The following DHX15 variants were observed in gnomAD, a reference collection of about 807,000 sequenced individuals.
DHX15 encodes the protein ATP-dependent RNA helicase DHX15.
In DHX15, 11 loss-of-function variants were observed where a neutral mutation model predicts 94.4. That is an observed-to-expected ratio of 0.12 (90% CI 0.07 to 0.19). DHX15 has a LOEUF of 0.19. Ranked by LOEUF, DHX15 falls within the 10% of genes least tolerant of loss-of-function variation. DHX15 has a pLI of 1.00. For missense variants in DHX15, 304 were observed against 988.5 expected (o/e 0.31, Z 9.29); for synonymous variants, 338 against 329.9 (o/e 1.02, Z -0.27).
intron 3 of DHX15, among the ~76,000 whole-genome samples, chr4:24,561,030 T>C (rs926154185): frequency 1.3e-5 from 2 of 152,190 alleles, no homozygotes; most frequent in Non-Finnish European, 2.9e-5. Flanking sequence ...TGCCAAAAGC[T>C]GATAAAATTC....
rs139539347 is a variant in DHX15 at position 24,548,930 on chromosome 4, T to C, written c.1173A>G (p.Thr391=). The C allele has an allele frequency of 9.9e-6, 16 of 1,613,692 alleles. No homozygotes were observed. In the African/African-American group the frequency reaches 1.9e-4, roughly 19 times the overall value. ...TGCGTTGCTGCTGCTGAGGTGGAAG[T>C]GTAGAATACAATGGAATGATTTTAA... is the stretch of plus-strand genomic sequence containing the variant. ...GDIKIIPLYS[T]LPPQQQQRIF... The change falls in exon 6 of 14, where the codon ACA becomes ACG. Residue 391 remains threonine, a synonymous_variant. Transcript: ENST00000336812.
intron 3 of DHX15, among the ~76,000 whole-genome samples, chr4:24,565,480 A>G (rs1342289424): frequency 6.6e-6 from 1 of 152,248 alleles, no homozygotes; most frequent in Non-Finnish European, 1.5e-5. Flanking sequence ...AGACTGCCAC[A>G]TAACAGATGT....
intron 11 of DHX15, among the ~76,000 whole-genome samples, chr4:24,535,779 T>A (rs909372594): frequency 6.6e-6 from 1 of 152,114 alleles, no homozygotes; most frequent in Non-Finnish European, 1.5e-5. Flanking sequence ...GACAAATAAA[T>A]TCACCATCAC....
intron 5 of DHX15, among the ~76,000 whole-genome samples, chr4:24,553,500 G>A (rs1721657047): frequency 6.6e-6 from 1 of 152,080 alleles, no homozygotes; most frequent in Non-Finnish European, 1.5e-5. Flanking sequence ...GGGGCCAGGT[G>A]TGGTGGCTCG....
Position 24,584,506 on chromosome 4 carries a change from C to T in DHX15, c.-113G>A, listed in dbSNP as rs1722564289. 1 of 1,057,386 alleles carries T rather than the reference C, an allele frequency of 9.5e-7. No individual in the cohort carries two copies. The highest frequency in any genetic ancestry group is 1.3e-6 in the Non-Finnish European group (1 of 742,318). 65.5% of individuals were successfully genotyped at this position (1,057,386 alleles called of 1,614,324 possible). A position where few individuals can be genotyped will look rare whatever the true frequency, so the allele number is the denominator to read the frequency against. On this transcript the variant is annotated 5_prime_UTR_variant, in exon 1 of 14. Coordinates refer to ENST00000336812, the MANE Select transcript of DHX15 (RefSeq NM_001358.3). ...ACCCCCACCCCTCCCGCTACTACAGCCCACACGGTGCGGCCGGAACCAACA... is the reference window on the plus strand; with the variant it reads ...ACCCCCACCCCTCCCGCTACTACAGTCCACACGGTGCGGCCGGAACCAACA...
At chr4:24,572,275 C>G (rs902321201) in intron 2 of DHX15, among the ~76,000 whole-genome samples, 1 of 152,174 alleles carries the variant, frequency 6.6e-6, no homozygotes. Context: ...GCTGGGACTA[C>G]AGGCACGTGC....
chr4:24,541,656 T>C (rs764837438), intron 8 of DHX15, among the ~76,000 whole-genome samples: 14 of 152,090 alleles, frequency 9.2e-5, no homozygotes, highest in African/African-American at 2.9e-4. Flanking sequence ...ATTCCAGTTT[T>C]TAGGCGTGGG....
intron 11 of DHX15, chr4:24,533,258 G>A (rs780438371): frequency 2.4e-5 from 14 of 579,520 alleles, no homozygotes; most frequent in Non-Finnish European, 4.0e-5. Flanking sequence ...ACAGTAACAA[G>A]GCTTTTGGAT....
intron 1 of DHX15, 50 bp downstream of exon 1, chr4:24,584,273 G>A (rs568543309): frequency 4.5e-6 from 7 of 1,569,586 alleles, no homozygotes; most frequent in African/African-American, 2.7e-5. Flanking sequence ...CTCCCTGCCA[G>A]GACCCCAACA....
chr4:24,583,696 T>C (rs1722527333), intron 1 of DHX15, among the ~76,000 whole-genome samples: 1 of 152,014 alleles, frequency 6.6e-6, no homozygotes, highest in Non-Finnish European at 1.5e-5. Flanking sequence ...TCAGGTATAT[T>C]ACTCCACGTT....
rs575220458 is a variant in DHX15 at position 24,577,373 on chromosome 4, A to G, written c.72-695T>C. Among the ~76,000 whole-genome samples, 3 of 152,224 alleles carry G rather than the reference A, an allele frequency of 2.0e-5. No homozygotes were observed. In the South Asian group the frequency reaches 6.2e-4, roughly 32 times the overall value. On this transcript the variant is annotated intron_variant, in intron 1 of 13. Coordinates refer to ENST00000336812, the MANE Select transcript of DHX15 (RefSeq NM_001358.3). ...AGTTATACTTTCCAGCACTTTCCCAATTTTGTTCAGTAAATGTATATTGCT... is the reference window on the plus strand; with the variant it reads ...AGTTATACTTTCCAGCACTTTCCCAGTTTTGTTCAGTAAATGTATATTGCT...
Position 24,570,807 on chromosome 4 carries a change from C to T in DHX15, c.548G>A (p.Gly183Glu), listed in dbSNP as rs778326922. 6.2e-7 allele frequency: 1 copy of T among 1,614,150 alleles called. No individual in the cohort carries two copies. Among genetic ancestry groups the T allele is most frequent in the South Asian group, 1.1e-5 (1 of 91,078 alleles). The change falls in exon 3 of 14, where the codon GGA becomes GAA. Residue 183 changes from glycine to glutamate, a missense_variant. Gly to Glu is a moderately conservative substitution (Grantham distance 98, BLOSUM62 -2). Coordinates refer to ENST00000336812, the MANE Select transcript of DHX15 (RefSeq NM_001358.3). ...GGTACAGGCAACTCCTCTCTTGGGTCCTGGTAATGATCGCATGTACTCCAC... is the reference window on the plus strand; with the variant it reads ...GGTACAGGCAACTCCTCTCTTGGGTTCTGGTAATGATCGCATGTACTCCAC... ...WCVEYMRSLP[G>E]PKRGVACTQP...
In DHX15 at chr4:24,528,109, A is replaced by C. The variant is rs1720998991; in HGVS notation, c.2271-68T>G. 4 of 1,062,134 alleles carry C rather than the reference A, an allele frequency of 3.8e-6. No homozygotes were observed. In the Admixed American group the frequency reaches 6.9e-5, roughly 18 times the overall value. 65.8% of individuals were successfully genotyped at this position (1,062,134 alleles called of 1,614,324 possible). A position where few individuals can be genotyped will look rare whatever the true frequency, so the allele number is the denominator to read the frequency against. ...TTGAAGTACTGGAGTTGTTAATAGG[A>C]TAGGCATTATTCATTAATATACTGA... is the stretch of plus-strand genomic sequence containing the variant. On this transcript the variant is annotated intron_variant, in intron 13 of 13. Coordinates refer to ENST00000336812, the MANE Select transcript of DHX15 (RefSeq NM_001358.3).
rs755672116 is a variant in DHX15, at chr4:24,554,711, A to G, written c.1080+14T>C. The G allele has an allele frequency of 5.0e-6, 8 of 1,600,696 alleles. No homozygotes were observed. The Admixed American group carries it at 6.7e-5, about 13-fold the overall frequency. On this transcript the variant is annotated intron_variant, in intron 5 of 13. Coordinates refer to ENST00000336812, the MANE Select transcript of DHX15 (RefSeq NM_001358.3). ...ATGTCAAAAGCTAAATAATGAAGAA[A>G]ATTAAAACAATACCTCTTGACCAGT...
intron 11 of DHX15, among the ~76,000 whole-genome samples, chr4:24,535,556 T>C (rs555313251): frequency 6.6e-4 from 101 of 152,210 alleles, no homozygotes; most frequent in Non-Finnish European, 1.2e-3. Flanking sequence ...GTGCTGGTCT[T>C]CAGCCTGTGG....
At chr4:24,540,769 G>T in intron 9 of DHX15, 71 bp downstream of exon 9, 1 of 820,134 alleles carries the variant, frequency 1.2e-6, no homozygotes, top group Non-Finnish European at 2.0e-6. Context: ...ATATTAAATA[G>T]GATGGAGAAA....
chr4:24,527,912 T>A lies in DHX15; in HGVS notation c.*12A>T. 6.3e-7 allele frequency: 1 copy of A among 1,577,174 alleles called. No individual in the cohort carries two copies. The highest frequency in any genetic ancestry group is 8.7e-7 in the Non-Finnish European group (1 of 1,146,450). ...GCTGTCCTCTCAATAACTTCAGTTCTAAGCACTGAATTCAGTACTGTGAAT... is the reference window on the plus strand; with the variant it reads ...GCTGTCCTCTCAATAACTTCAGTTCAAAGCACTGAATTCAGTACTGTGAAT... On this transcript the variant is annotated 3_prime_UTR_variant, in exon 14 of 14. Transcript: ENST00000336812.
intron 2 of DHX15, among the ~76,000 whole-genome samples, chr4:24,572,729 G>T (rs1427658914): frequency 6.6e-6 from 1 of 152,084 alleles, no homozygotes; most frequent in Non-Finnish European, 1.5e-5. Flanking sequence ...GCGTTTCCTT[G>T]TATTTTTACA....
intron 12 of DHX15, among the ~76,000 whole-genome samples, chr4:24,532,638 A>T (rs1721108119): frequency 6.6e-6 from 1 of 152,210 alleles, no homozygotes; most frequent in South Asian, 2.1e-4. Flanking sequence ...ATTCCTGTAT[A>T]ACTAGACTAC....
Sources: gnomAD v4.1 joint callset for allele counts (sites outside exome capture counted in the v4.1 genomes callset) on GRCh38, gnomAD v4.1.1 for gene constraint, MANE v1.5 for transcripts, NCBI Gene and HGNC (gene_info 2026-07-23, HGNC 2026-07-21) for gene names.